PPHLN1: variants seen among roughly 807,000 people sequenced by gnomAD.
The protein encoded by PPHLN1 is periphilin-1.
PPHLN1 carries 29 observed loss-of-function variants against 51.3 expected under a neutral mutation model. That is an observed-to-expected ratio of 0.57 (90% CI 0.42 to 0.77). The LOEUF is 0.77. PPHLN1 is among the 30% of genes least tolerant of loss of function. The pLI is 0.00. For synonymous variants in PPHLN1, 147 were observed against 147.8 expected (o/e 0.99, Z 0.04); for missense variants, 436 against 438.4 (o/e 0.99, Z 0.05).
At chr12:42,339,404 G>A (rs1378004131) in intron 2 of PPHLN1, among the ~76,000 whole-genome samples, 2 of 151,648 alleles carry the variant, frequency 1.3e-5, no homozygotes, top group East Asian at 1.9e-4. Flanking sequence ...CCTTATTTTG[G>A]TTAGTAATTT....
At chr12:42,351,502 T>C (rs947687362) in intron 2 of PPHLN1, 2 of 155,214 alleles carry the variant, frequency 1.3e-5, no homozygotes, top group African/African-American at 4.8e-5. Context: ...CTAAATAGTA[T>C]AGTAGAACAA....
chr12:42,423,997 T>C lies in PPHLN1; in HGVS notation c.910-17318T>C, dbSNP rs369215998. Reference sequence around the variant, plus strand: ...TGGCCGACCATGGAAAATTATAGCCTATCTTTAATTATGTTGAATAGAGGC... The same window carrying C: ...TGGCCGACCATGGAAAATTATAGCCCATCTTTAATTATGTTGAATAGAGGC... On this transcript the variant is annotated intron_variant, in intron 9 of 9. Coordinates refer to ENST00000358314, the MANE Select transcript of PPHLN1 (RefSeq NM_201439.2). 1.2e-4 allele frequency among the ~76,000 whole-genome samples: 18 copies of C among 152,328 alleles called. No individual in the cohort carries two copies. The East Asian group carries it at 2.3e-3, about 20-fold the overall frequency.
chr12:42,396,522 A>G (rs981378001), intron 8 of PPHLN1, among the ~76,000 whole-genome samples: 30 of 147,638 alleles, frequency 2.0e-4, no homozygotes, highest in Non-Finnish European at 4.5e-4. Context: ...GAAGGATATT[A>G]GAATGTCCTG....
chr12:42,433,158 T>G, intron 9 of PPHLN1: 1 of 771,184 alleles, frequency 1.3e-6, no homozygotes. Flanking sequence ...TTCAATGACA[T>G]AAAATTCTCC....
rs1002385547 is a variant in PPHLN1, at chr12:42,333,902, T to C, written c.-20-1981T>C. ...TTATAGTTTTGGTTTTCATCTTCTTTATTTTGAAGGAGGTTGAACATCTTT... is the reference window on the plus strand; with the variant it reads ...TTATAGTTTTGGTTTTCATCTTCTTCATTTTGAAGGAGGTTGAACATCTTT... On this transcript the variant is annotated intron_variant, in intron 1 of 9. Coordinates refer to ENST00000358314, the MANE Select transcript of PPHLN1 (RefSeq NM_201439.2). Among the ~76,000 whole-genome samples the C allele has an allele frequency of 5.9e-5, 9 of 152,240 alleles. 1 individual carries two copies. Among genetic ancestry groups the C allele is most frequent in the Admixed American group, 1.3e-4 (2 of 15,284 alleles).
intron 5 of PPHLN1, among the ~76,000 whole-genome samples, chr12:42,381,073 T>C (rs1347857303): frequency 6.6e-6 from 1 of 152,216 alleles, no homozygotes; most frequent in East Asian, 1.9e-4. Context: ...GGGGATGAGT[T>C]ACATCATATG....
At chr12:42,437,592 C>T (rs556817443) in intron 9 of PPHLN1, among the ~76,000 whole-genome samples, 10 of 152,128 alleles carry the variant, frequency 6.6e-5, no homozygotes, top group South Asian at 2.1e-4. Flanking sequence ...CTTATATGCC[C>T]GTTCTCCCTA....
At chr12:42,425,745 A>G (rs964718916) in intron 9 of PPHLN1, among the ~76,000 whole-genome samples, 14 of 152,236 alleles carry the variant, frequency 9.2e-5, no homozygotes, top group African/African-American at 3.4e-4. Context: ...ATCATGGGTA[A>G]CAAAAAACAC....
At chr12:42,333,472 T>A (rs889198316) in intron 1 of PPHLN1, among the ~76,000 whole-genome samples, 13 of 151,834 alleles carry the variant, frequency 8.6e-5, no homozygotes, top group Non-Finnish European at 1.8e-4. Flanking sequence ...TTTTATTTTT[T>A]ATTTTTTATT....
chr12:42,331,138 C>T (rs1359020477), intron 1 of PPHLN1, among the ~76,000 whole-genome samples: 1 of 152,200 alleles, frequency 6.6e-6, no homozygotes, highest in Non-Finnish European at 1.5e-5. Flanking sequence ...AGTGCAAAGA[C>T]CTATGTTCAT....
At chr12:42,366,035 T>C (rs2075232952) in intron 4 of PPHLN1, among the ~76,000 whole-genome samples, 1 of 152,188 alleles carries the variant, frequency 6.6e-6, no homozygotes, top group Non-Finnish European at 1.5e-5. Context: ...TTGCAGTTTT[T>C]ACCTGGTGAT....
chr12:42,358,718 T>C (rs1264673237), intron 4 of PPHLN1, among the ~76,000 whole-genome samples: 1 of 152,212 alleles, frequency 6.6e-6, no homozygotes, highest in Admixed American at 6.5e-5. Context: ...ATTGAATCTT[T>C]TTAATGGTCA....
chr12:42,390,813 G>A (rs1032313192), intron 7 of PPHLN1, among the ~76,000 whole-genome samples: 6 of 142,972 alleles, frequency 4.2e-5, no homozygotes, highest in Non-Finnish European at 6.0e-5. Context: ...TTCACAGACC[G>A]TGAAGTTTTT....
At chr12:42,345,861 G>A (rs1410848882) in intron 2 of PPHLN1, among the ~76,000 whole-genome samples, 1 of 151,542 alleles carries the variant, frequency 6.6e-6, no homozygotes, top group African/African-American at 2.4e-5. Context: ...GTATATTATG[G>A]TGCCATTGTT....
downstream of PPHLN1, chr12:42,446,653 C>G (rs745574374): frequency 2.5e-6 from 4 of 1,593,446 alleles, no homozygotes; most frequent in South Asian, 4.5e-5. Flanking sequence ...CTGCACACAT[C>G]TGTACTCGTC....
At chr12:42,407,101 T>C (rs970851837) in intron 9 of PPHLN1, among the ~76,000 whole-genome samples, 3 of 152,256 alleles carry the variant, frequency 2.0e-5, no homozygotes, top group Non-Finnish European at 4.4e-5. Context: ...ATAGCTTTTA[T>C]AAGTCTTGAT....
chr12:42,400,375 G>T (rs2078692637), intron 9 of PPHLN1: 1 of 150,360 alleles, frequency 6.7e-6, no homozygotes, highest in Non-Finnish European at 1.5e-5. Context: ...GGCTGAGGCA[G>T]GAGAATGGCG....
chr12:42,380,860 A>G (rs2076696818), intron 5 of PPHLN1, among the ~76,000 whole-genome samples: 1 of 152,192 alleles, frequency 6.6e-6, no homozygotes, highest in Non-Finnish European at 1.5e-5. Context: ...GAAGCCCACT[A>G]TGCTGTGTTC....
Position 42,441,728 on chromosome 12 carries a change from C to T in PPHLN1, c.*219C>T. 1 of 1,187,702 alleles carries T rather than the reference C, an allele frequency of 8.4e-7. No homozygotes were observed. The highest frequency in any genetic ancestry group is 1.1e-6 in the Non-Finnish European group (1 of 940,458). 73.6% of individuals were successfully genotyped at this position (1,187,702 alleles called of 1,614,324 possible). On this transcript the variant is annotated 3_prime_UTR_variant, in exon 10 of 10. Coordinates refer to ENST00000358314, the MANE Select transcript of PPHLN1 (RefSeq NM_201439.2). ...TAGAGATGGGGTTCACCATGTTGGC[C>T]AGGCTAGTCTCTAACTCCTGGCCTC...
Sources: allele counts gnomAD v4.1 joint callset (sites outside exome capture counted in the v4.1 genomes callset), GRCh38; gene constraint gnomAD v4.1.1; transcripts MANE v1.5; gene names NCBI Gene and HGNC (gene_info 2026-07-23, HGNC 2026-07-21).